Variants in MRPS25 observed in about 807,000 individuals in gnomAD.
The protein encoded by MRPS25 is mitochondrial ribosomal protein S25.
MRPS25 carries 15 observed loss-of-function variants against 17.3 expected under a neutral mutation model. The observed-to-expected ratio is 0.87, with a 90% CI of 0.58 to 1.34. The LOEUF (loss-of-function observed/expected upper bound fraction) is 1.34. Among genes scored for constraint, MRPS25 ranks in the 40% most tolerant of loss-of-function variants. The pLI, the probability that MRPS25 is intolerant of heterozygous loss-of-function variation, is 0.00. For synonymous variants in MRPS25, 94 were observed against 83.3 expected (o/e 1.13, Z -0.70); for missense variants, 225 against 218.6 (o/e 1.03, Z -0.19).
At chr3:15,064,962 G>T (rs1407739402) in intron 1 of MRPS25, 99 bp downstream of exon 1, 19 of 1,454,862 alleles carry the variant, frequency 1.3e-5, no homozygotes, top group African/African-American at 2.8e-5. Flanking sequence ...CCGCCCCGGG[G>T]ATGAACGGCC....
At chr3:15,052,694 G>C in intron 3 of MRPS25, 61 bp from the exon 4 acceptor site, 1 of 1,555,492 alleles carries the variant, frequency 6.4e-7, no homozygotes, top group South Asian at 1.2e-5. Context: ...GCACAGGGCA[G>C]TTTCTCAGCC....
At position 15,059,359 on chromosome 3, in the gene MRPS25, C is replaced by G. The variant is rs777216841; in HGVS notation, c.241+10G>C. On this transcript the variant is annotated intron_variant, in intron 2 of 3. Transcript: ENST00000253686. Reference sequence around the variant, plus strand: ...GACAGCCCCTGGACCATGGCGAGGGCCCCACTCACCTAAGTAGAATCGCAG... The same window carrying G: ...GACAGCCCCTGGACCATGGCGAGGGGCCCACTCACCTAAGTAGAATCGCAG... The G allele has an allele frequency of 1.0e-5, 16 of 1,583,800 alleles. No homozygotes were observed. The highest frequency in any genetic ancestry group is 1.7e-5 in the Admixed American group (1 of 59,886).
chr3:15,042,966 G>T, downstream of MRPS25: 1 of 1,614,222 alleles, frequency 6.2e-7, no homozygotes, highest in Non-Finnish European at 8.5e-7. Context: ...TCAAGATGGA[G>T]ACAGCAGAGT....
intron 2 of MRPS25, among the ~76,000 whole-genome samples, chr3:15,056,547 G>A (rs1436333837): frequency 6.6e-6 from 1 of 152,218 alleles, no homozygotes; most frequent in Non-Finnish European, 1.5e-5. Flanking sequence ...CCAGGCTGTG[G>A]TCAGAGGGAG....
downstream of MRPS25, chr3:15,042,993 C>T (rs761575938): frequency 3.3e-5 from 53 of 1,613,906 alleles, no homozygotes; most frequent in South Asian, 1.6e-4. Flanking sequence ...GCCAGATCAC[C>T]GGAGCCAGTC....
chr3:15,050,247 C>G lies in MRPS25; in HGVS notation c.*2194G>C. 8.7e-7 allele frequency: 1 copy of G among 1,144,814 alleles called. No homozygotes were observed. Among genetic ancestry groups the G allele is most frequent in the South Asian group, 1.9e-5 (1 of 51,498 alleles). 70.9% of individuals were successfully genotyped at this position (1,144,814 alleles called of 1,614,324 possible). The stretch of plus-strand genomic sequence containing the variant: ...CAGTAACTGCACCACAGGACTGCTG[C>G]TGTCTCCACACGTCCTTTCAGGGTC... On this transcript the variant is annotated 3_prime_UTR_variant, in exon 4 of 4. Coordinates refer to ENST00000253686, the MANE Select transcript of MRPS25 (RefSeq NM_022497.5).
At chr3:15,047,066 T>G (rs998738455), downstream of MRPS25, 1 of 152,678 alleles carries the variant, frequency 6.5e-6, no homozygotes, top group African/African-American at 2.4e-5. Flanking sequence ...GTACATGTGT[T>G]TATATCCTCT....
chr3:15,055,951 T>C (rs368170245), intron 2 of MRPS25, among the ~76,000 whole-genome samples: 39 of 151,618 alleles, frequency 2.6e-4, no homozygotes, highest in East Asian at 2.1e-3. Flanking sequence ...CAGTGGCTCA[T>C]GCCTGTAATC....
chr3:15,044,078 C>T (rs2042366131), downstream of MRPS25: 1 of 152,124 alleles, frequency 6.6e-6, no homozygotes, highest in South Asian at 2.1e-4. Flanking sequence ...CCAAATGCCC[C>T]CTTGAAAAGG....
chr3:15,058,521 G>T (rs1000980446), intron 2 of MRPS25, among the ~76,000 whole-genome samples: 1 of 152,104 alleles, frequency 6.6e-6, no homozygotes, highest in Admixed American at 6.5e-5. Flanking sequence ...TGTTCATTCT[G>T]TCTCCCTCTG....
chr3:15,061,321 T>C (rs1306830886), intron 1 of MRPS25, among the ~76,000 whole-genome samples: 1 of 152,148 alleles, frequency 6.6e-6, no homozygotes, highest in Non-Finnish European at 1.5e-5. Context: ...CCCTGCCTGA[T>C]TCTCCTGCCT....
chr3:15,051,288 A>T lies in MRPS25; in HGVS notation c.*1153T>A. On this transcript the variant is annotated 3_prime_UTR_variant, in exon 4 of 4. Transcript: ENST00000253686. The stretch of plus-strand genomic sequence containing the variant: ...GCAGCCTTGATCTCGCAGGCTCGAG[A>T]TCCTCCCACCTCAGCTTCCCAAATA... The T allele has an allele frequency of 1.4e-6, 1 of 714,072 alleles. No homozygotes were observed. Among genetic ancestry groups the T allele is most frequent in the Non-Finnish European group, 1.7e-6 (1 of 582,208 alleles). The allele number at this position is 714,072 out of a possible 1,614,324, so 44.2% of individuals were successfully genotyped here.
chr3:15,050,715 A>T lies in MRPS25; in HGVS notation c.*1726T>A. 1 of 985,400 alleles carries T rather than the reference A, an allele frequency of 1.0e-6. No individual in the cohort carries two copies. Among genetic ancestry groups the T allele is most frequent in the Non-Finnish European group, 1.2e-6 (1 of 829,922 alleles). The allele number at this position is 985,400 out of a possible 1,614,324, so 61.0% of individuals were successfully genotyped here. A position where few individuals can be genotyped will look rare whatever the true frequency, so the allele number is the denominator to read the frequency against. ...ATTTCAATTAAACACTCCCTTTGTAAGTCTGTCACTCAAGGAACACCTGTC... is the reference window on the plus strand; with the variant it reads ...ATTTCAATTAAACACTCCCTTTGTATGTCTGTCACTCAAGGAACACCTGTC... On this transcript the variant is annotated 3_prime_UTR_variant, in exon 4 of 4. Transcript: ENST00000253686.
Position 15,061,415 on chromosome 3 carries a change from G to A in MRPS25, c.135-1940C>T, listed in dbSNP as rs1488145620. Among the ~76,000 whole-genome samples, 8 of 152,184 alleles carry A rather than the reference G, an allele frequency of 5.3e-5. No individual in the cohort carries two copies. The East Asian group carries it at 5.8e-4, about 11-fold the overall frequency. ...ATTTTTTTGGTGGAGACGGGGTTTC[G>A]CTGTGTTGGCCGGGCTGGTCTCCAG... On this transcript the variant is annotated intron_variant, in intron 1 of 3. Coordinates refer to ENST00000253686, the MANE Select transcript of MRPS25 (RefSeq NM_022497.5).
rs1424028523 is a variant in MRPS25, at chr3:15,048,877, A to G, written c.*3564T>C. On this transcript the variant is annotated 3_prime_UTR_variant, in exon 4 of 4. Transcript: ENST00000253686. ...CCCTTTTAAAGGCATCTATCTATCA[A>G]AGGAAAATTTGGGTGTTAGATTTTC... 6.6e-6 allele frequency: 1 copy of G among 152,644 alleles called. No individual in the cohort carries two copies. Among genetic ancestry groups the G allele is most frequent in the Non-Finnish European group, 1.5e-5 (1 of 68,044 alleles). The allele number at this position is 152,644 out of a possible 1,614,324, so 9.5% of individuals were successfully genotyped here. A position where few individuals can be genotyped will look rare whatever the true frequency, so the allele number is the denominator to read the frequency against.
intron 2 of MRPS25, among the ~76,000 whole-genome samples, chr3:15,056,193 C>T (rs1282243343): frequency 6.0e-5 from 9 of 149,522 alleles, no homozygotes; most frequent in African/African-American, 1.5e-4. Context: ...CCAGCCTGGG[C>T]GACAGAGCGA....
intron 2 of MRPS25, among the ~76,000 whole-genome samples, chr3:15,058,335 G>A (rs1001011629): frequency 2.0e-5 from 3 of 152,060 alleles, no homozygotes; most frequent in Non-Finnish European, 2.9e-5. Context: ...GACTACAGGC[G>A]CCCACCACCA....
At chr3:15,060,085 A>G (rs1369539511) in intron 1 of MRPS25, among the ~76,000 whole-genome samples, 1 of 152,100 alleles carries the variant, frequency 6.6e-6, no homozygotes, top group South Asian at 2.1e-4. Context: ...ATCGTCCTGT[A>G]CAAAATTTGG....
rs1249393340 is a variant in MRPS25, at chr3:15,061,279, T to G, written c.135-1804A>C. ...CTCTGATGCCGAGCCGAAGCTGGAC[T>G]GTACTGCTGCCATCTCGGCTCACTG... is the stretch of plus-strand genomic sequence containing the variant. On this transcript the variant is annotated intron_variant, in intron 1 of 3. Transcript: ENST00000253686. Among the ~76,000 whole-genome samples, 5 of 152,178 alleles carry G rather than the reference T, an allele frequency of 3.3e-5. 1 individual carries two copies. The South Asian group carries it at 8.3e-4, about 25-fold the overall frequency.
Sources: gnomAD v4.1 joint callset for allele counts (sites outside exome capture counted in the v4.1 genomes callset) on GRCh38, gnomAD v4.1.1 for gene constraint, MANE v1.5 for transcripts, NCBI Gene and HGNC (gene_info 2026-07-23, HGNC 2026-07-21) for gene names.